Variants in ZBTB40 observed in about 807,000 individuals in gnomAD.
The protein encoded by ZBTB40 is zinc finger and BTB domain containing 40, also known as zinc finger and BTB domain-containing protein 40.
In ZBTB40, 60 loss-of-function variants were observed where a neutral mutation model predicts 117.5. The ratio of observed to expected loss-of-function variants is 0.51; its 90% CI spans 0.41 to 0.63. ZBTB40 has a LOEUF of 0.63. Ranked by LOEUF, ZBTB40 falls within the 30% of genes least tolerant of loss-of-function variation. ZBTB40 has a pLI of 0.00. For synonymous variants in ZBTB40, 525 were observed against 577.1 expected (o/e 0.91, Z 1.29); for missense variants, 1,287 against 1,498.5 (o/e 0.86, Z 2.33).
intron 11 of ZBTB40, 80 bp downstream of exon 11, chr1:22,512,214 T>C: frequency 3.3e-6 from 5 of 1,498,470 alleles, no homozygotes; most frequent in Non-Finnish European, 4.6e-6. Context: ...CCCTTAGTTG[T>C]GTGCAGTGAG....
intron 1 of ZBTB40, among the ~76,000 whole-genome samples, chr1:22,458,704 A>G (rs1310241820): frequency 6.6e-6 from 1 of 152,226 alleles, no homozygotes; most frequent in African/African-American, 2.4e-5. Context: ...TTTTTCTTGA[A>G]TACTTTTTTA....
intron 13 of ZBTB40, chr1:22,517,759 T>C (rs1222191213): frequency 1.9e-5 from 7 of 365,528 alleles, no homozygotes; most frequent in Non-Finnish European, 2.5e-5. Context: ...AGAAAGCCTC[T>C]GTAACTGATT....
chr1:22,473,745 C>G (rs1161553342), intron 1 of ZBTB40, among the ~76,000 whole-genome samples: 1 of 152,176 alleles, frequency 6.6e-6, no homozygotes, highest in Non-Finnish European at 1.5e-5. Context: ...CAGCTATACT[C>G]TTAATGGCTT....
intron 7 of ZBTB40, 43 bp from the exon 8 acceptor site, chr1:22,508,487 G>C: frequency 6.2e-7 from 1 of 1,609,574 alleles, no homozygotes; most frequent in Non-Finnish European, 8.5e-7. Context: ...TGGGCTAGTG[G>C]CTGGAGAGTC....
chr1:22,487,779 G>A (rs190465137), intron 1 of ZBTB40, among the ~76,000 whole-genome samples: 1 of 152,206 alleles, frequency 6.6e-6, no homozygotes, highest in East Asian at 1.9e-4. Context: ...TGACTTTGCT[G>A]CTTAAAGCCT....
rs112534211 is a variant in ZBTB40 at position 22,480,498 on chromosome 1, C to T, written c.-69-9382C>T. On this transcript the variant is annotated intron_variant, in intron 1 of 17. Transcript: ENST00000375647. ...GTAATTATGAGCTTCTTTTCTGTGT[C>T]GTTGTTGTTGTTGTTGTCGTTTTTT... Among the ~76,000 whole-genome samples, 664 of 152,012 alleles carry T rather than the reference C, an allele frequency of 4.4e-3. 7 individuals are homozygous for T. Among genetic ancestry groups the T allele is most frequent in the African/African-American group, 0.015 (622 of 41,462 alleles).
chr1:22,477,037 G>C (rs2124412485), intron 1 of ZBTB40, among the ~76,000 whole-genome samples: 1 of 152,236 alleles, frequency 6.6e-6, no homozygotes, highest in South Asian at 2.1e-4. Flanking sequence ...ATATATATTA[G>C]AGACTTTTAC....
In ZBTB40 at chr1:22,524,344, A is replaced by T. The variant is rs533768680; in HGVS notation, c.3425A>T (p.Glu1142Val). The T allele has an allele frequency of 6.2e-7, 1 of 1,614,154 alleles. No homozygotes were observed. The highest frequency in any genetic ancestry group is 1.3e-5 in the African/African-American group (1 of 75,030). ...ACCTTCCCCTGTGAGCTCTGTGGGG[A>T]ACTCTTCACCTCCCAGGCCCAGCTT... ...ETTFPCELCG[E>V]LFTSQAQLDS... Residue 1142 changes from glutamate (E) to valine (V), a missense_variant, in exon 17 of 18, where the codon GAA becomes GTA. Transcript: ENST00000375647.
At chr1:22,508,977 C>A in intron 8 of ZBTB40, 123 bp from the exon 9 acceptor site, 2 of 1,510,452 alleles carry the variant, frequency 1.3e-6, no homozygotes, top group Non-Finnish European at 1.8e-6. Context: ...TTCCCCACTG[C>A]CAACCTCAGA....
chr1:22,459,397 G>A (rs1444253606), intron 1 of ZBTB40, among the ~76,000 whole-genome samples: 1 of 152,138 alleles, frequency 6.6e-6, no homozygotes, highest in African/African-American at 2.4e-5. Flanking sequence ...TTGGTTTGAG[G>A]AAGGATCTGA....
At position 22,524,377 on chromosome 1, in the gene ZBTB40, A is replaced by C. The variant is rs1375886156; in HGVS notation, c.3458A>C (p.His1153Pro). ...ACCTCCCAGGCCCAGCTTGACAGTC[A>C]CCTGGAATCTGAGCACCCAAAGGTG... is the stretch of plus-strand genomic sequence containing the variant. ...LFTSQAQLDS[H>P]LESEHPKVMS... The change falls in exon 17 of 18, where the codon CAC (histidine) becomes CCC (proline). Residue 1153 changes from histidine (H) to proline (P), a missense_variant. His to Pro is a moderately conservative substitution (Grantham distance 77, BLOSUM62 -2). This residue lies in a region of ZBTB40 where 417 missense variants were observed against 564.1 expected (regional missense o/e 0.74). Transcript: ENST00000375647. The C allele has an allele frequency of 6.2e-7, 1 of 1,614,194 alleles. No homozygotes were observed. The highest frequency in any genetic ancestry group is 8.5e-7 in the Non-Finnish European group (1 of 1,180,034).
chr1:22,520,104 C>T lies in ZBTB40; in HGVS notation c.2877C>T (p.Phe959=), dbSNP rs778295290. The T allele has an allele frequency of 4.5e-5, 73 of 1,614,080 alleles. No individual in the cohort carries two copies. In the Middle Eastern group the frequency reaches 6.6e-4, roughly 15 times the overall value. ...ACTGCAAGAAGTGCAGGATGAGTTT[C>T]CCCACTCTTCAGGATCACCGGAAGC... The part of the protein sequence containing the change: ...PYDCKKCRMS[F]PTLQDHRKHI... The change falls in exon 14 of 18, where the codon TTC becomes TTT. Residue 959 remains phenylalanine (F), a synonymous_variant. Coordinates refer to ENST00000375647, the MANE Select transcript of ZBTB40 (RefSeq NM_014870.4).
At chr1:22,465,367 G>A (rs538547378) in intron 1 of ZBTB40, among the ~76,000 whole-genome samples, 68 of 152,200 alleles carry the variant, frequency 4.5e-4, no homozygotes, top group Non-Finnish European at 8.5e-4. Context: ...CTACTCAGCT[G>A]TGGCTGAGTC....
At chr1:22,462,247 G>A (rs910093058) in intron 1 of ZBTB40, among the ~76,000 whole-genome samples, 22 of 152,132 alleles carry the variant, frequency 1.4e-4, no homozygotes, top group Middle Eastern at 3.4e-3. Flanking sequence ...TCAAAGTTTC[G>A]GCTCTAGAGT....
At chr1:22,485,521 G>A (rs114850841) in intron 1 of ZBTB40, among the ~76,000 whole-genome samples, 3,491 of 151,812 alleles carry the variant, frequency 0.023, 139 homozygotes, top group African/African-American at 0.078. Context: ...TGTTACCATG[G>A]CCATCTTTGA....
intron 1 of ZBTB40, among the ~76,000 whole-genome samples, chr1:22,432,213 C>T (rs1475832690): frequency 1.3e-5 from 2 of 152,156 alleles, no homozygotes; most frequent in Non-Finnish European, 2.9e-5. Flanking sequence ...AATGCAGCTA[C>T]CAATGGATGG....
At chr1:22,466,320 G>A (rs1040766225) in intron 1 of ZBTB40, among the ~76,000 whole-genome samples, 10 of 152,218 alleles carry the variant, frequency 6.6e-5, no homozygotes, top group South Asian at 4.2e-4. Flanking sequence ...TTTTTTGGCC[G>A]TTAGGCTTAA....
intron 3 of ZBTB40, among the ~76,000 whole-genome samples, chr1:22,497,698 A>G (rs1383974831): frequency 3.3e-5 from 5 of 152,230 alleles, no homozygotes; most frequent in Non-Finnish European, 1.5e-5. Context: ...AGTCTAATAG[A>G]ACCCAGTGTA....
intron 17 of ZBTB40, 107 bp from the exon 18 acceptor site, chr1:22,526,095 A>T: frequency 7.5e-7 from 1 of 1,341,618 alleles, no homozygotes; most frequent in South Asian, 1.2e-5. Flanking sequence ...TGCTCTCCTC[A>T]GGTGAAAACA....
Sources: allele counts gnomAD v4.1 joint callset (sites outside exome capture counted in the v4.1 genomes callset), GRCh38; gene constraint gnomAD v4.1.1; regional missense constraint gnomAD v4.1.1; transcripts MANE v1.5; gene names NCBI Gene and HGNC (gene_info 2026-07-23, HGNC 2026-07-21).